Variants in FSCN2 observed in about 807,000 individuals in gnomAD.
FSCN2 encodes fascin-2.
In FSCN2, 46 loss-of-function variants were observed where a neutral mutation model predicts 37.8. That is an observed-to-expected ratio of 1.22 (90% confidence interval 0.96 to 1.56). The LOEUF is 1.56. Among genes scored for constraint, FSCN2 ranks in the 40% most tolerant of loss-of-function variants. The pLI is 0.00. For missense variants in FSCN2, 844 were observed against 730.4 expected (o/e 1.16, Z -1.79); for synonymous variants, 351 against 309.4 (o/e 1.13, Z -1.41).
At position 81,536,717 on chromosome 17, in the gene FSCN2, C is replaced by G. The variant is rs753308717; in HGVS notation, c.1201C>G (p.Gln401Glu). Residue 401 changes from glutamine (Q) to glutamate (E), a missense_variant, in exon 4 of 5, where the codon CAG (glutamine) becomes GAG (glutamate). Coordinates refer to ENST00000417245, the MANE Select transcript of FSCN2 (RefSeq NM_012418.4). ...GFVCHHRGSNQLDTNRSVYDV... is the reference protein window; with the variant it reads ...GFVCHHRGSNELDTNRSVYDV... ...CGTCTGCCACCACCGCGGCTCCAAC[C>G]AGCTGGACACCAACCGCTCCGTCTA... 1 of 1,611,426 alleles carries G rather than the reference C, an allele frequency of 6.2e-7. No individual in the cohort carries two copies. Among genetic ancestry groups the G allele is most frequent in the Non-Finnish European group, 8.5e-7 (1 of 1,179,456 alleles).
At chr17:81,521,135 T>G in the FSCN2 span, among the ~76,000 whole-genome samples, 1 of 152,214 alleles carries the variant, frequency 6.6e-6, no homozygotes, top group Non-Finnish European at 1.5e-5. Flanking sequence ...TGGTGCGATC[T>G]TGGCCCACCG....
chr17:81,524,244 GGCT>G (rs1555669798), upstream of FSCN2, among the ~76,000 whole-genome samples: 1 of 152,108 alleles, frequency 6.6e-6, no homozygotes, highest in Admixed American at 6.6e-5. Flanking sequence ...GGCCTCGGGA[GGCT>G]GCCAGGGGAT....
intron 1 of FSCN2, among the ~76,000 whole-genome samples, chr17:81,533,975 CAGTG>C (rs2032775289): frequency 6.6e-6 from 1 of 152,152 alleles, no homozygotes; most frequent in Admixed American, 6.5e-5. Flanking sequence ...GGTACCGTGT[CAGTG>C]TTGCCCTCCA....
intron 1 of FSCN2, among the ~76,000 whole-genome samples, chr17:81,532,336 T>C (rs1297786337): frequency 1.7e-4 from 25 of 144,768 alleles, no homozygotes; most frequent in African/African-American, 6.0e-4. Context: ...ATAGTGATGG[T>C]GATGATGATG....
chr17:81,521,651 TG>T, the FSCN2 span, among the ~76,000 whole-genome samples: 1 of 152,198 alleles, frequency 6.6e-6, no homozygotes, highest in East Asian at 1.9e-4. Flanking sequence ...GGATTACAAA[TG>T]TGAGCCACCA....
the FSCN2 span, among the ~76,000 whole-genome samples, chr17:81,517,414 T>A: frequency 3.9e-5 from 6 of 152,330 alleles, no homozygotes; most frequent in Admixed American, 2.0e-4. Context: ...GCTCTGAGGC[T>A]GCTTGCCCTC....
At chr17:81,536,046 G>T in intron 2 of FSCN2, 100 bp from the exon 3 acceptor site, 1 of 1,443,316 alleles carries the variant, frequency 6.9e-7, no homozygotes. Flanking sequence ...TGGAGGGCAG[G>T]CTTCTGTCCC....
the FSCN2 span, among the ~76,000 whole-genome samples, chr17:81,518,036 C>G: frequency 6.6e-6 from 1 of 152,176 alleles, no homozygotes; most frequent in Non-Finnish European, 1.5e-5. Context: ...CAATGAATCC[C>G]CATGTTTCAA....
the FSCN2 span, among the ~76,000 whole-genome samples, chr17:81,520,399 A>G: frequency 6.6e-6 from 1 of 152,158 alleles, no homozygotes; most frequent in African/African-American, 2.4e-5. Context: ...GGAGCCCCCT[A>G]TGCCTGGCCC....
chr17:81,531,330 G>GTGA (rs1598573218), intron 1 of FSCN2, among the ~76,000 whole-genome samples: 4 of 69,396 alleles, frequency 5.8e-5, no homozygotes, highest in Admixed American at 1.4e-4. Flanking sequence ...GATGGTGGTG[G>GTGA]TGGTGATGGT....
chr17:81,517,749 G>A, the FSCN2 span, among the ~76,000 whole-genome samples: 1 of 146,188 alleles, frequency 6.8e-6, no homozygotes, highest in African/African-American at 2.6e-5. Flanking sequence ...CCCACCCCAG[G>A]AGCTCCGGCC....
chr17:81,527,987 C>A (rs542293075), upstream of FSCN2, among the ~76,000 whole-genome samples: 43 of 152,188 alleles, frequency 2.8e-4, no homozygotes, highest in African/African-American at 7.7e-4. Context: ...TGGCGGCCAC[C>A]GAGGGTACGG....
In FSCN2 at chr17:81,529,019, C is replaced by T; in HGVS notation, c.488C>T (p.Ala163Val). ...HLCPREDEMA[A>V]DGDKPWGVDA... is the part of the protein sequence containing the mutation. ...TGCCCGCGGGAGGACGAGATGGCCG[C>T]AGACGGAGACAAGCCCTGGGGCGTG... Residue 163 changes from alanine to valine, a missense_variant, in exon 1 of 5, where the codon GCA (alanine) becomes GTA (valine). Coordinates refer to ENST00000417245, the MANE Select transcript of FSCN2 (RefSeq NM_012418.4). The T allele has an allele frequency of 6.3e-7, 1 of 1,586,028 alleles. No homozygotes were observed. Among genetic ancestry groups the T allele is most frequent in the South Asian group, 1.1e-5 (1 of 87,738 alleles).
At chr17:81,518,229 C>T in the FSCN2 span, among the ~76,000 whole-genome samples, 1 of 152,174 alleles carries the variant, frequency 6.6e-6, no homozygotes, top group Middle Eastern at 3.2e-3. Context: ...GGCATGCCCC[C>T]ATGCCACCCA....
chr17:81,522,217 GGCTGGTCTCGA>G, the FSCN2 span, among the ~76,000 whole-genome samples: 1 of 152,176 alleles, frequency 6.6e-6, no homozygotes, highest in Non-Finnish European at 1.5e-5. Context: ...ATGTTGGGCA[GGCTGGTCTCGA>G]ACTCCTGACC....
chr17:81,528,062 T>TGGGCC (rs372655621), upstream of FSCN2, among the ~76,000 whole-genome samples: 32 of 147,218 alleles, frequency 2.2e-4, no homozygotes, highest in Middle Eastern at 3.7e-3. Context: ...CCGGAAGGGC[T>TGGGCC]GGGCCGGGCC....
intron 1 of FSCN2, among the ~76,000 whole-genome samples, chr17:81,530,892 C>T (rs2032527408): frequency 8.7e-6 from 1 of 114,784 alleles, no homozygotes; most frequent in South Asian, 3.2e-4. Flanking sequence ...GCTGTAATGC[C>T]TGCTGGCCTG....
chr17:81,529,191 C>T lies in FSCN2; in HGVS notation c.660C>T (p.Ala220=), dbSNP rs781869547. 55 of 1,596,104 alleles carry T rather than the reference C, an allele frequency of 3.4e-5. No individual in the cohort carries two copies. In the Admixed American group the frequency reaches 9.6e-4, roughly 28 times the overall value. The stretch of plus-strand genomic sequence containing the variant: ...TGGAGTTCAAGGCGGGCAAGCTGGC[C>T]TTCAAGGACTGCGACGGCCACTACC... The part of the protein sequence containing the change: ...YTLEFKAGKL[A]FKDCDGHYLA... Residue 220 remains alanine, a synonymous_variant, in exon 1 of 5, where the codon GCC becomes GCT. Transcript: ENST00000417245.
chr17:81,517,017 C>T, the FSCN2 span, among the ~76,000 whole-genome samples: 5 of 152,138 alleles, frequency 3.3e-5, no homozygotes, highest in Non-Finnish European at 7.4e-5. Context: ...TCTCCTGGGT[C>T]AGGGTAATTA....
Sources: allele counts gnomAD v4.1 joint callset (sites outside exome capture counted in the v4.1 genomes callset), GRCh38; gene constraint gnomAD v4.1.1; transcripts MANE v1.5; gene names NCBI Gene and HGNC (gene_info 2026-07-23, HGNC 2026-07-21).